The following SLC4A8 variants were observed in gnomAD, a reference collection of about 807,000 sequenced individuals.
SLC4A8 encodes the protein electroneutral sodium bicarbonate exchanger 1.
Under a neutral mutation model 125.0 loss-of-function variants are expected in SLC4A8, and 40 were observed. The ratio of observed to expected loss-of-function variants is 0.32; its 90% confidence interval spans 0.25 to 0.42. The LOEUF (loss-of-function observed/expected upper bound fraction) is 0.42. SLC4A8 is among the 10% of genes least tolerant of loss of function. The pLI is 1.00. For missense variants in SLC4A8, 863 were observed against 1,355.1 expected (o/e 0.64, Z 5.70); for synonymous variants, 456 against 476.0 (o/e 0.96, Z 0.55).
intron 2 of SLC4A8, among the ~76,000 whole-genome samples, chr12:51,444,064 T>C (rs1390468527): frequency 6.6e-6 from 1 of 152,210 alleles, no homozygotes; most frequent in Non-Finnish European, 1.5e-5. Flanking sequence ...AGACTAGGTT[T>C]GACCTTTTTT....
At position 51,499,320 on chromosome 12, in the gene SLC4A8, T is replaced by TAC. The variant is rs932007546; in HGVS notation, c.3081+2207_3081+2208dup. On this transcript the variant is annotated intron_variant, in intron 22 of 24. Transcript: ENST00000453097. ...AAAACATATACATATACACATACTG[T>TAC]ACACACACACACGTGCATGTGTGCA... Among the ~76,000 whole-genome samples the TAC allele has an allele frequency of 5.3e-5, 8 of 152,128 alleles. No individual in the cohort carries two copies. In the East Asian group the frequency reaches 7.7e-4, roughly 15 times the overall value.
intron 1 of SLC4A8, among the ~76,000 whole-genome samples, chr12:51,427,647 T>TA (rs1420652917): frequency 2.0e-5 from 3 of 152,132 alleles, no homozygotes; most frequent in African/African-American, 7.2e-5. Flanking sequence ...AATGACCAAT[T>TA]AAACCTTCTA....
At position 51,470,536 on chromosome 12, in the gene SLC4A8, T is replaced by A; in HGVS notation, c.1658+11T>A. 6.2e-7 allele frequency: 1 copy of A among 1,612,360 alleles called. No individual in the cohort carries two copies. The highest frequency in any genetic ancestry group is 8.5e-7 in the Non-Finnish European group (1 of 1,178,488). On this transcript the variant is annotated intron_variant, in intron 13 of 24. Transcript: ENST00000453097. ...GTTCAAATTCTGCAAGTAAGACATT[T>A]GTTTTTCTGAAAACTCTAACCAGAT...
chr12:51,492,202 G>A (rs1219564805), intron 19 of SLC4A8, among the ~76,000 whole-genome samples: 2 of 152,110 alleles, frequency 1.3e-5, no homozygotes, highest in Non-Finnish European at 2.9e-5. Flanking sequence ...GAAACTTTAC[G>A]GCTGTATTCC....
chr12:51,443,571 T>C (rs995220308), intron 2 of SLC4A8, among the ~76,000 whole-genome samples: 1 of 152,182 alleles, frequency 6.6e-6, no homozygotes, highest in South Asian at 2.1e-4. Context: ...GATGGCTTTT[T>C]CCATTTTTTC....
chr12:51,455,339 AAATAGCCATGG>A (rs1259442446), intron 5 of SLC4A8, among the ~76,000 whole-genome samples: 1 of 152,090 alleles, frequency 6.6e-6, no homozygotes, highest in African/African-American at 2.4e-5. Flanking sequence ...CAAGTGGGGG[AAATAGCCATGG>A]AAATAACAAT....
chr12:51,404,381 A>C (rs948989170), intron 1 of SLC4A8, among the ~76,000 whole-genome samples: 1 of 152,140 alleles, frequency 6.6e-6, no homozygotes, highest in Non-Finnish European at 1.5e-5. Flanking sequence ...TTCTTAGTCC[A>C]TGAAATTCAG....
Position 51,401,564 on chromosome 12 carries a change from ATGT to A in SLC4A8, c.-112+10077_-112+10079del, listed in dbSNP as rs1322540520. Among the ~76,000 whole-genome samples, 16 of 151,972 alleles carry A rather than the reference ATGT, an allele frequency of 1.1e-4. No homozygotes were observed. In the East Asian group the frequency reaches 3.1e-3, roughly 29 times the overall value. On this transcript the variant is annotated intron_variant, in intron 1 of 24. Transcript: ENST00000358657. ...CTCTTCCACCAGTGTATTCCTCTCG[ATGT>A]CCAGCTGCCTGTGCGTTCCTCTACT... is the stretch of plus-strand genomic sequence containing the variant.
intron 6 of SLC4A8, 77 bp downstream of exon 6, chr12:51,457,616 G>A: frequency 7.5e-7 from 1 of 1,334,914 alleles, no homozygotes; most frequent in Non-Finnish European, 1.0e-6. Flanking sequence ...CTTACTAGGG[G>A]TGGGGGCTGT....
chr12:51,471,400 G>A lies in SLC4A8; in HGVS notation c.1772G>A (p.Arg591His), dbSNP rs752965014. 3 of 1,613,938 alleles carry A rather than the reference G, an allele frequency of 1.9e-6. No individual in the cohort carries two copies. The highest frequency in any genetic ancestry group is 1.3e-5 in the African/African-American group (1 of 74,874). The change falls in exon 14 of 25, where the codon CGT (arginine) becomes CAT (histidine). Residue 591 changes from arginine (R) to histidine (H), a missense_variant. Coordinates refer to ENST00000453097, the MANE Select transcript of SLC4A8 (RefSeq NM_001039960.3). ...AGTTCCCTTGTCTGCTACATTACCCGTTTCACTGAAGAAGCATTTGCCTCC... is the reference window on the plus strand; with the variant it reads ...AGTTCCCTTGTCTGCTACATTACCCATTTCACTGAAGAAGCATTTGCCTCC... ...DASSLVCYIT[R>H]FTEEAFASLI...
chr12:51,474,248 C>T (rs1176991624), intron 14 of SLC4A8, 94 bp from the exon 15 acceptor site: 1 of 730,668 alleles, frequency 1.4e-6, no homozygotes, highest in Non-Finnish European at 2.3e-6. Context: ...AGCAGCAAGG[C>T]AGCTCCTGAC....
intron 2 of SLC4A8, 152 bp from the exon 3 acceptor site, chr12:51,450,724 C>T: frequency 5.2e-6 from 4 of 770,396 alleles, no homozygotes; most frequent in Non-Finnish European, 8.5e-6. Context: ...TATATCTTTA[C>T]TCCTGGAAGT....
At chr12:51,408,058 C>T (rs1458349747) in intron 1 of SLC4A8, among the ~76,000 whole-genome samples, 1 of 152,198 alleles carries the variant, frequency 6.6e-6, no homozygotes. Context: ...CCTATAAGGA[C>T]ACCAGTCATA....
chr12:51,407,299 C>T (rs1229982791), intron 1 of SLC4A8, among the ~76,000 whole-genome samples: 1 of 152,090 alleles, frequency 6.6e-6, no homozygotes, highest in African/African-American at 2.4e-5. Flanking sequence ...TGCTCTGTTG[C>T]CCAGGCTGGA....
At chr12:51,406,924 G>A (rs957995237) in intron 1 of SLC4A8, among the ~76,000 whole-genome samples, 8 of 152,262 alleles carry the variant, frequency 5.3e-5, no homozygotes, top group Admixed American at 6.5e-5. Flanking sequence ...GCCTGTGAAA[G>A]GAAGTGGATA....
intron 1 of SLC4A8, among the ~76,000 whole-genome samples, chr12:51,414,905 A>T (rs1237110990): frequency 6.6e-6 from 1 of 152,210 alleles, no homozygotes; most frequent in Non-Finnish European, 1.5e-5. Context: ...CCGTTTTAGC[A>T]TCTATGGAAA....
intron 20 of SLC4A8, chr12:51,494,669 C>T (rs1190654383): frequency 3.5e-6 from 1 of 284,904 alleles, no homozygotes; most frequent in African/African-American, 2.2e-5. Flanking sequence ...GTTTTCAACA[C>T]CCCCTGAGAA....
intron 1 of SLC4A8, among the ~76,000 whole-genome samples, chr12:51,394,254 C>T (rs546953206): frequency 9.2e-5 from 14 of 152,372 alleles, no homozygotes; most frequent in African/African-American, 2.2e-4. Context: ...TTTCGCATTC[C>T]GGAAGCAAAT....
intron 1 of SLC4A8, chr12:51,425,510 C>A: frequency 1.2e-6 from 1 of 840,462 alleles, no homozygotes. Flanking sequence ...GAGGCTGGGA[C>A]CAATCCCTGA....
Sources: gnomAD v4.1 joint callset for allele counts (sites outside exome capture counted in the v4.1 genomes callset) on GRCh38, gnomAD v4.1.1 for gene constraint, MANE v1.5 for transcripts, NCBI Gene and HGNC (gene_info 2026-07-23, HGNC 2026-07-21) for gene names.